MMRN1: variants seen among roughly 807,000 people sequenced by gnomAD.
MMRN1 encodes the protein multimerin 1.
Under a neutral mutation model 100.7 loss-of-function variants are expected in MMRN1, and 94 were observed. That is an observed-to-expected ratio of 0.93 (90% CI 0.79 to 1.11). The LOEUF (loss-of-function observed/expected upper bound fraction) is 1.11. Ranked by LOEUF, MMRN1 falls within the 50% of genes least tolerant of loss-of-function variation. MMRN1 has a pLI of 0.00. For missense variants in MMRN1, 1,606 were observed against 1,439.1 expected (o/e 1.12, Z -1.88); for synonymous variants, 575 against 505.0 (o/e 1.14, Z -1.86).
chr4:89,888,441 G>A lies in MMRN1; in HGVS notation c.-248-6283G>A, dbSNP rs148357324. Among the ~76,000 whole-genome samples, 14 of 147,878 alleles carry A rather than the reference G, an allele frequency of 9.5e-5. No individual in the cohort carries two copies. In the East Asian group the frequency reaches 1.4e-3, roughly 14 times the overall value. ...TGTGTTCCCCTTTATGTGATATGGC[G>A]TGTTTTTTTTTTTCCTGATAACTCA... On this transcript the variant is annotated intron_variant, in intron 1 of 8. Coordinates refer to the MMRN1 transcript ENST00000394980.
At chr4:89,911,859 C>G in intron 2 of MMRN1, 85 bp from the exon 3 acceptor site, 1 of 862,454 alleles carries the variant, frequency 1.2e-6, no homozygotes, top group Non-Finnish European at 1.9e-6. Flanking sequence ...TAGGCATTGC[C>G]CCAAAAACTT....
intron 5 of MMRN1, among the ~76,000 whole-genome samples, chr4:89,932,139 T>TA (rs1336809019): frequency 1.3e-5 from 2 of 152,048 alleles, no homozygotes; most frequent in African/African-American, 4.8e-5. Flanking sequence ...ACATTGGCCA[T>TA]AACAAAGGGG....
chr4:89,902,561 A>C (rs1359116478), intron 1 of MMRN1, among the ~76,000 whole-genome samples: 1 of 152,018 alleles, frequency 6.6e-6, no homozygotes, highest in Non-Finnish European at 1.5e-5. Flanking sequence ...GCTCGTTCTC[A>C]TAAAACTTTA....
At chr4:89,944,332 G>C (rs1722922313) in intron 6 of MMRN1, among the ~76,000 whole-genome samples, 1 of 152,132 alleles carries the variant, frequency 6.6e-6, no homozygotes, top group Admixed American at 6.5e-5. Flanking sequence ...GATAAATATT[G>C]CCAAGTTTCT....
At chr4:89,924,264 C>T (rs1722176809) in intron 4 of MMRN1, among the ~76,000 whole-genome samples, 1 of 151,966 alleles carries the variant, frequency 6.6e-6, no homozygotes, top group African/African-American at 2.4e-5. Flanking sequence ...GGATTTCTGC[C>T]CCTTTGTTTC....
At position 89,936,537 on chromosome 4, in the gene MMRN1, C is replaced by T. The variant is rs183254236; in HGVS notation, c.2857C>T (p.Leu953=). ...ATIPKWIKHS[L]PDIQLLQKGL... ...CATCCCTAAGTGGATAAAACATTCC[C>T]TGCCAGATATTCAACTTCTTCAGAA... The change falls in exon 6 of 8, where the codon CTG becomes TTG. Residue 953 remains leucine (L), a synonymous_variant. Coordinates refer to ENST00000264790, the MANE Select transcript of MMRN1 (RefSeq NM_007351.3). 1.4e-5 allele frequency: 22 copies of T among 1,613,016 alleles called. No individual in the cohort carries two copies. The East Asian group carries it at 3.3e-4, about 25-fold the overall frequency.
At chr4:89,903,916 C>A (rs115688069) in intron 1 of MMRN1, among the ~76,000 whole-genome samples, 2,210 of 137,338 alleles carry the variant, frequency 0.016, 35 homozygotes, top group Middle Eastern at 0.061. Context: ...AAAAAAAACT[C>A]TAGGCACAGA....
chr4:89,895,556 T>A lies in MMRN1; in HGVS notation c.585T>A (p.Thr195=). The change falls in exon 1 of 8, where the codon ACT becomes ACA. Residue 195 remains threonine, a synonymous_variant. Transcript: ENST00000264790. ...GTGACAGCAGTTCCAGCCAAAGAAC[T>A]GACTACCAAAAATCAAATTTCGAAA... The part of the protein sequence containing the change: ...SRGDSSSSQR[T]DYQKSNFETT... 1 of 1,613,594 alleles carries A rather than the reference T, an allele frequency of 6.2e-7. No individual in the cohort carries two copies. Among genetic ancestry groups the A allele is most frequent in the Non-Finnish European group, 8.5e-7 (1 of 1,179,810 alleles).
At chr4:89,920,229 C>A (rs114116229) in intron 3 of MMRN1, among the ~76,000 whole-genome samples, 2,370 of 152,142 alleles carry the variant, frequency 0.016, 52 homozygotes, top group African/African-American at 0.052. Flanking sequence ...TAACAATTGG[C>A]CGACCACATT....
intron 6 of MMRN1, among the ~76,000 whole-genome samples, chr4:89,949,341 C>T (rs1394803967): frequency 6.6e-6 from 1 of 152,130 alleles, no homozygotes; most frequent in Non-Finnish European, 1.5e-5. Flanking sequence ...AGTGTTCCCC[C>T]CAACTCTACT....
chr4:89,909,930 C>T (rs1196318848), intron 2 of MMRN1, among the ~76,000 whole-genome samples: 1 of 151,300 alleles, frequency 6.6e-6, no homozygotes, highest in Non-Finnish European at 1.5e-5. Context: ...TTAAAAAAGT[C>T]TATGCTGTTG....
chr4:89,940,292 T>C (rs535897294), intron 6 of MMRN1, among the ~76,000 whole-genome samples: 1 of 152,236 alleles, frequency 6.6e-6, no homozygotes, highest in South Asian at 2.1e-4. Flanking sequence ...AACCATTGGC[T>C]TTTTATTTCA....
Position 89,936,110 on chromosome 4 carries a change from C to T in MMRN1, c.2430C>T (p.Pro810=), listed in dbSNP as rs1320082194. The T allele has an allele frequency of 3.1e-6, 5 of 1,612,558 alleles. No individual in the cohort carries two copies. Among genetic ancestry groups the T allele is most frequent in the East Asian group, 2.2e-5 (1 of 44,816 alleles). ...LQVAKTLAGI[P]RDEKLNQSNF... is the part of the protein sequence containing the mutation. ...TCGCCAAGACCCTTGCAGGTATTCC[C>T]AGAGATGAGAAACTAAATCAGTCCA... Residue 810 remains proline, a synonymous_variant, in exon 6 of 8, where the codon CCC becomes CCT. Coordinates refer to ENST00000264790, the MANE Select transcript of MMRN1 (RefSeq NM_007351.3).
In MMRN1 at chr4:89,953,121, T is replaced by A; in HGVS notation, c.3390T>A (p.Tyr1130Ter). The A allele has an allele frequency of 1.9e-6, 3 of 1,613,920 alleles. No individual in the cohort carries two copies. The highest frequency in any genetic ancestry group is 2.2e-5 in the South Asian group (2 of 91,072). The change falls in exon 8 of 8, where the codon TAT (tyrosine) becomes TAA (stop). Residue 1130 changes from tyrosine (Y) to a stop codon, truncating the protein, a stop_gained. Coordinates refer to ENST00000264790, the MANE Select transcript of MMRN1 (RefSeq NM_007351.3). LOFTEE classifies it high-confidence loss of function. ...NNLDVNYGAS[Y>*]TPRTGKFRIP... is the part of the protein sequence containing the mutation. ...TGGATGTCAATTATGGAGCTTCATATACCCCAAGAACTGGAAAATTTAGAA... is the reference window on the plus strand; with the variant it reads ...TGGATGTCAATTATGGAGCTTCATAAACCCCAAGAACTGGAAAATTTAGAA...
chr4:89,912,033 C>T lies in MMRN1; in HGVS notation c.833C>T (p.Pro278Leu), dbSNP rs61730036. 3.5e-3 allele frequency: 5,561 copies of T among 1,594,042 alleles called. 191 individuals are homozygous for T. The African/African-American group carries it at 0.064, about 18-fold the overall frequency. Residue 278 changes from proline (P) to leucine (L), a missense_variant, in exon 3 of 8, where the codon CCG (proline) becomes CTG (leucine). Coordinates refer to ENST00000264790, the MANE Select transcript of MMRN1 (RefSeq NM_007351.3). ...AGGTGCTGTCCTGGATACAGTGGGC[C>T]GAAATGTCAACTAAGAGGTACACTC... is the stretch of plus-strand genomic sequence containing the variant. The part of the protein sequence containing the change: ...DWRCCPGYSG[P>L]KCQLRAQEQQ...
chr4:89,938,682 A>G (rs1722731578), intron 6 of MMRN1, among the ~76,000 whole-genome samples: 1 of 151,602 alleles, frequency 6.6e-6, no homozygotes, highest in South Asian at 2.1e-4. Context: ...TGATTGACTC[A>G]ATATTGGGCT....
intron 3 of MMRN1, among the ~76,000 whole-genome samples, chr4:89,918,151 A>G (rs975713747): frequency 3.0e-4 from 45 of 151,056 alleles, no homozygotes; most frequent in African/African-American, 1.0e-3. Flanking sequence ...ACATCTATAT[A>G]TTTCAATTAA....
chr4:89,941,846 T>A (rs1354330571), intron 6 of MMRN1, among the ~76,000 whole-genome samples: 2 of 152,166 alleles, frequency 1.3e-5, no homozygotes, highest in East Asian at 3.9e-4. Context: ...CCAATTTGTG[T>A]CAATAAAACA....
intron 1 of MMRN1, among the ~76,000 whole-genome samples, chr4:89,904,565 C>T (rs1721499219): frequency 1.3e-5 from 2 of 151,774 alleles, no homozygotes; most frequent in South Asian, 4.2e-4. Flanking sequence ...TTGTTTATTT[C>T]ACTTAGCATA....
Sources: gnomAD v4.1 joint callset for allele counts (sites outside exome capture counted in the v4.1 genomes callset) on GRCh38, gnomAD v4.1.1 for gene constraint, MANE v1.5 for transcripts, NCBI Gene and HGNC (gene_info 2026-07-23, HGNC 2026-07-21) for gene names.